Variants in SPATA6L observed in about 807,000 individuals in gnomAD.
SPATA6L encodes spermatogenesis associated 6-like protein.
SPATA6L carries 68 observed loss-of-function variants against 49.2 expected under a neutral mutation model. That is an observed-to-expected ratio of 1.38 (90% confidence interval 1.14 to 1.69). The LOEUF is 1.69. SPATA6L is among the 40% of genes most tolerant of loss of function. SPATA6L has a pLI of 0.00. For synonymous variants in SPATA6L, 198 were observed against 165.7 expected (o/e 1.19, Z -1.50); for missense variants, 668 against 464.3 (o/e 1.44, Z -4.03).
chr9:4,650,809 AC>A (rs892863896), intron 3 of SPATA6L, among the ~76,000 whole-genome samples: 44 of 150,580 alleles, frequency 2.9e-4, no homozygotes, highest in Non-Finnish European at 4.4e-4. Context: ...ACAGGCAAGC[AC>A]CACCAAACCC....
Position 4,606,456 on chromosome 9 carries a change from G to T in SPATA6L, c.996-1016C>A, listed in dbSNP as rs148071704. On this transcript the variant is annotated intron_variant, in intron 9 of 11. Transcript: ENST00000682582. ...CAGTACGCAGCTGGAGATCTGAGAA[G>T]GGGCAGACTGCGTCCTCAAGTGGGT... Among the ~76,000 whole-genome samples the T allele has an allele frequency of 1.8e-3, 76 of 42,626 alleles. 2 individuals carry two copies. The highest frequency in any genetic ancestry group is 0.014 in the East Asian group (34 of 2,518). 28.0% of individuals were successfully genotyped at this position (42,626 alleles called of 152,430 possible). A position where few individuals can be genotyped will look rare whatever the true frequency, so the allele number is the denominator to read the frequency against.
At chr9:4,649,128 T>C (rs1836215408) in intron 3 of SPATA6L, among the ~76,000 whole-genome samples, 2 of 152,136 alleles carry the variant, frequency 1.3e-5, no homozygotes, top group African/African-American at 4.8e-5. Context: ...CGTTGATTGA[T>C]GGGCATTTGG....
At chr9:4,619,711 G>C (rs1828839660) in intron 7 of SPATA6L, among the ~76,000 whole-genome samples, 1 of 152,058 alleles carries the variant, frequency 6.6e-6, no homozygotes. Context: ...ATGTTAAATT[G>C]AGACAACAAA....
Position 4,635,259 on chromosome 9 carries a change from A to G in SPATA6L, c.351+16T>C, listed in dbSNP as rs747880159. The G allele has an allele frequency of 2.0e-6, 3 of 1,504,696 alleles. No individual in the cohort carries two copies. The highest frequency in any genetic ancestry group is 2.6e-6 in the Non-Finnish European group (3 of 1,138,050). 93.2% of individuals were successfully genotyped at this position (1,504,696 alleles called of 1,614,324 possible). A position where few individuals can be genotyped will look rare whatever the true frequency, so the allele number is the denominator to read the frequency against. Reference sequence around the variant, plus strand: ...TTCTCTCCTAATAGAAGCCCAGATGAGCATGAATCACTTACTGGAAAACCC... The same window carrying G: ...TTCTCTCCTAATAGAAGCCCAGATGGGCATGAATCACTTACTGGAAAACCC... On this transcript the variant is annotated intron_variant, in intron 4 of 11. Coordinates refer to ENST00000682582, the MANE Select transcript of SPATA6L (RefSeq NM_001353486.2).
intron 3 of SPATA6L, among the ~76,000 whole-genome samples, chr9:4,643,797 G>A (rs1008888431): frequency 2.0e-5 from 3 of 152,180 alleles, no homozygotes; most frequent in Non-Finnish European, 4.4e-5. Context: ...CTGAGGTCAG[G>A]AGTTCGACAC....
chr9:4,626,690 G>T (rs931271958), intron 5 of SPATA6L: 1 of 725,312 alleles, frequency 1.4e-6, no homozygotes, highest in East Asian at 6.6e-5. Flanking sequence ...AGTTTGGTGT[G>T]GTTTCCTGAC....
At chr9:4,606,275 T>A (rs1192193822) in intron 9 of SPATA6L, among the ~76,000 whole-genome samples, 4 of 139,950 alleles carry the variant, frequency 2.9e-5, no homozygotes, top group Non-Finnish European at 4.6e-5. Flanking sequence ...AGCCGGAAGC[T>A]CCAACTGGGT....
chr9:4,615,674 A>G (rs1263973680), intron 9 of SPATA6L, among the ~76,000 whole-genome samples: 3 of 152,168 alleles, frequency 2.0e-5, no homozygotes, highest in Non-Finnish European at 4.4e-5. Context: ...ACCTACCACA[A>G]TCTATCTCAT....
intron 2 of SPATA6L, among the ~76,000 whole-genome samples, chr9:4,656,745 A>G (rs984921657): frequency 1.3e-5 from 2 of 152,214 alleles, no homozygotes; most frequent in Non-Finnish European, 2.9e-5. Context: ...GTTTGTTGCT[A>G]AAAGCCCATC....
intron 9 of SPATA6L, among the ~76,000 whole-genome samples, chr9:4,616,208 T>A (rs1422178660): frequency 4.0e-5 from 6 of 151,780 alleles, no homozygotes. Flanking sequence ...GTTGGGGAGG[T>A]CAAGGCTGCA....
chr9:4,614,823 G>C (rs913280454), intron 9 of SPATA6L, among the ~76,000 whole-genome samples: 1 of 152,172 alleles, frequency 6.6e-6, no homozygotes, highest in Admixed American at 6.5e-5. Flanking sequence ...TACCAGTTTA[G>C]AGAGACTTTG....
At chr9:4,641,402 C>T (rs7035593) in intron 3 of SPATA6L, among the ~76,000 whole-genome samples, 5 of 151,950 alleles carry the variant, frequency 3.3e-5, no homozygotes, top group South Asian at 2.1e-4. Flanking sequence ...AATAATAAAA[C>T]ATTAAAAATA....
chr9:4,590,955 C>T (rs76651951), intron 13 of SPATA6L, among the ~76,000 whole-genome samples: 1,557 of 152,236 alleles, frequency 0.01, 24 homozygotes, highest in African/African-American at 0.036. Flanking sequence ...TCTTTCGCTT[C>T]GGGGCACTTG....
In SPATA6L at chr9:4,630,045, C is replaced by A. The variant is rs576609873; in HGVS notation, c.352-877G>T. Among the ~76,000 whole-genome samples the A allele has an allele frequency of 3.4e-4, 51 of 151,894 alleles. No individual in the cohort carries two copies. The South Asian group carries it at 8.9e-3, about 27-fold the overall frequency. ...ACAGCATTCTTCTAAGTAAGAAAAG[C>A]CAGTCTCAAAAGGTTACAGACTGTA... On this transcript the variant is annotated intron_variant, in intron 4 of 11. Coordinates refer to ENST00000682582, the MANE Select transcript of SPATA6L (RefSeq NM_001353486.2).
At chr9:4,608,961 G>T (rs1826000235) in intron 9 of SPATA6L, among the ~76,000 whole-genome samples, 2 of 151,844 alleles carry the variant, frequency 1.3e-5, no homozygotes, top group South Asian at 2.1e-4. Context: ...TGATAAAGGG[G>T]ATATCACCAC....
chr9:4,638,931 C>A (rs1164379545), intron 3 of SPATA6L, among the ~76,000 whole-genome samples: 1 of 151,966 alleles, frequency 6.6e-6, no homozygotes, highest in South Asian at 2.1e-4. Flanking sequence ...ACTACAGACG[C>A]GCACCACAAA....
Position 4,635,286 on chromosome 9 carries a change from GAGCC to G in SPATA6L, c.336_339del (p.Ala113TrpfsTer10). The stretch of plus-strand genomic sequence containing the variant: ...CATGAATCACTTACTGGAAAACCCA[GAGCC>G]GTCTTCATGAGCACCTCCCTACACC... On this transcript the variant is annotated frameshift_variant, in exon 4 of 12. Transcript: ENST00000682582. LOFTEE classifies it high-confidence loss of function. The G allele has an allele frequency of 6.5e-7, 1 of 1,528,792 alleles. No homozygotes were observed. The highest frequency in any genetic ancestry group is 8.7e-7 in the Non-Finnish European group (1 of 1,150,280). 94.7% of individuals were successfully genotyped at this position (1,528,792 alleles called of 1,614,324 possible).
At position 4,604,201 on chromosome 9, in the gene SPATA6L, CAGTG is replaced by C; in HGVS notation, c.1154_1157del (p.Ser385CysfsTer15). On this transcript the variant is annotated frameshift_variant, in exon 11 of 12. Transcript: ENST00000682582. LOFTEE classifies it high-confidence loss of function. ...TACCTTAAAAATATCTCTGTTCATG[CAGTG>C]AGTATTTCTTCAGAGGGTAGCTTGG... 6.2e-7 allele frequency: 1 copy of C among 1,611,090 alleles called. No homozygotes were observed. Among genetic ancestry groups the C allele is most frequent in the Non-Finnish European group, 8.5e-7 (1 of 1,177,972 alleles).
intron 10 of SPATA6L, among the ~76,000 whole-genome samples, 172 bp from the exon 11 acceptor site, chr9:4,604,441 T>G (rs1415198073): frequency 6.6e-6 from 1 of 152,068 alleles, no homozygotes; most frequent in Non-Finnish European, 1.5e-5. Flanking sequence ...AGAGACGAGG[T>G]CTCATTATGT....
Sources: gnomAD v4.1 joint callset for allele counts (sites outside exome capture counted in the v4.1 genomes callset) on GRCh38, gnomAD v4.1.1 for gene constraint, MANE v1.5 for transcripts, NCBI Gene and HGNC (gene_info 2026-07-23, HGNC 2026-07-21) for gene names.